ARSB: variants seen among roughly 807,000 people sequenced by gnomAD.
The protein encoded by ARSB is N-acetylgalactosamine-4-sulfatase.
In ARSB, 41 loss-of-function variants were observed where a neutral mutation model predicts 50.9. The ratio of observed to expected loss-of-function variants is 0.81; its 90% confidence interval spans 0.63 to 1.04. The LOEUF (loss-of-function observed/expected upper bound fraction) is 1.04, where lower values mean the gene tolerates loss of function less well. Among genes scored for constraint, ARSB ranks in the 50% least tolerant of loss-of-function variants. The probability of loss-of-function intolerance (pLI) is 0.00; values close to 1 mark genes in which losing one functional copy is unlikely to be tolerated. For missense variants in ARSB, 672 were observed against 693.3 expected (o/e 0.97, Z 0.35); for synonymous variants, 269 against 284.8 (o/e 0.94, Z 0.56).
chr5:78,785,924 G>C (rs1050121776), intron 6 of ARSB, among the ~76,000 whole-genome samples: 2 of 152,176 alleles, frequency 1.3e-5, no homozygotes, highest in African/African-American at 4.8e-5. Flanking sequence ...CAGAGAGGTG[G>C]CAACTTTTCC....
At chr5:78,920,992 A>G (rs1048463838) in intron 4 of ARSB, among the ~76,000 whole-genome samples, 2 of 152,274 alleles carry the variant, frequency 1.3e-5, no homozygotes, top group Admixed American at 6.5e-5. Flanking sequence ...TCTCTTTTGA[A>G]GATTTTAAGA....
chr5:78,961,639 T>C (rs2112504713), intron 3 of ARSB, among the ~76,000 whole-genome samples: 1 of 152,326 alleles, frequency 6.6e-6, no homozygotes, highest in Non-Finnish European at 1.5e-5. Flanking sequence ...TGCTTAATGT[T>C]ATGGAACCCT....
intron 5 of ARSB, among the ~76,000 whole-genome samples, chr5:78,871,477 A>G (rs1299001169): frequency 6.6e-6 from 1 of 150,932 alleles, no homozygotes; most frequent in Non-Finnish European, 1.5e-5. Flanking sequence ...GATATAGATC[A>G]ATGGAACAGA....
intron 5 of ARSB, among the ~76,000 whole-genome samples, chr5:78,842,120 C>T (rs1745248373): frequency 1.3e-5 from 2 of 152,092 alleles, no homozygotes; most frequent in South Asian, 2.1e-4. Flanking sequence ...CACACACACA[C>T]ATCAACTTAA....
chr5:78,827,639 A>C (rs953874014), intron 6 of ARSB, among the ~76,000 whole-genome samples: 1 of 152,228 alleles, frequency 6.6e-6, no homozygotes, highest in Admixed American at 6.5e-5. Flanking sequence ...ATATGACTGA[A>C]TCAGGCCCAC....
intron 4 of ARSB, among the ~76,000 whole-genome samples, chr5:78,901,047 G>GAA (rs71001135): frequency 0.56 from 64,252 of 114,774 alleles, 19,343 homozygotes; most frequent in East Asian, 0.97. Flanking sequence ...TCCGTCTCAG[G>GAA]AAAAAAAAAA....
In ARSB at chr5:78,778,540, CCTTG is replaced by C. The variant is rs1748834580; in HGVS notation, c.*1853_*1856del. The C allele has an allele frequency of 6.6e-6, 1 of 152,196 alleles. No homozygotes were observed. Among genetic ancestry groups the C allele is most frequent in the African/African-American group, 2.4e-5 (1 of 41,432 alleles). 9.4% of individuals were successfully genotyped at this position (152,196 alleles called of 1,614,324 possible). ...CCCCCCACTGGAGAGGACGCTACAA[CCTTG>C]CTATAGAGTGTCCTGTGACTGCCCA... On this transcript the variant is annotated 3_prime_UTR_variant, in exon 8 of 8. Coordinates refer to ENST00000264914, the MANE Select transcript of ARSB (RefSeq NM_000046.5).
At chr5:78,915,276 T>C (rs1237219040) in intron 4 of ARSB, among the ~76,000 whole-genome samples, 2 of 152,132 alleles carry the variant, frequency 1.3e-5, no homozygotes, top group Non-Finnish European at 2.9e-5. Context: ...ACACAATTTC[T>C]AGGCCCTTGG....
intron 6 of ARSB, among the ~76,000 whole-genome samples, chr5:78,838,327 C>T (rs1400909276): frequency 2.0e-5 from 3 of 152,104 alleles, no homozygotes; most frequent in Non-Finnish European, 4.4e-5. Flanking sequence ...AAAGCATATT[C>T]ATGACAGTAC....
chr5:78,969,313 G>A (rs1752346991), intron 1 of ARSB, 121 bp from the exon 2 acceptor site: 2 of 1,052,766 alleles, frequency 1.9e-6, no homozygotes, highest in African/African-American at 1.6e-5. Flanking sequence ...CTCTATTCCT[G>A]TACTGGCTTG....
At chr5:78,845,332 T>A (rs1358224207) in intron 5 of ARSB, among the ~76,000 whole-genome samples, 1 of 152,166 alleles carries the variant, frequency 6.6e-6, no homozygotes, top group Non-Finnish European at 1.5e-5. Flanking sequence ...AGTACTGCAA[T>A]AAATATGGGA....
intron 3 of ARSB, among the ~76,000 whole-genome samples, chr5:78,962,655 G>A (rs1020500574): frequency 6.6e-6 from 1 of 151,610 alleles, no homozygotes; most frequent in Non-Finnish European, 1.5e-5. Context: ...AACCTCCAGA[G>A]TAGCTGGACT....
chr5:78,930,707 C>A (rs1750284327), intron 4 of ARSB, among the ~76,000 whole-genome samples: 1 of 152,044 alleles, frequency 6.6e-6, no homozygotes, highest in Admixed American at 6.6e-5. Context: ...TTTCTGTATA[C>A]AACATTTTGT....
chr5:78,867,870 C>T (rs571732782), intron 5 of ARSB, among the ~76,000 whole-genome samples: 20 of 143,208 alleles, frequency 1.4e-4, no homozygotes, highest in African/African-American at 4.4e-4. Context: ...CTCTGAGCTA[C>T]GGGAGGACAT....
chr5:78,794,278 AG>A (rs964783137), intron 6 of ARSB, among the ~76,000 whole-genome samples: 2 of 152,150 alleles, frequency 1.3e-5, no homozygotes, highest in African/African-American at 4.8e-5. Context: ...AAAACCCACC[AG>A]GGTTCTTGGC....
chr5:78,959,180 T>C (rs1460944968), intron 3 of ARSB, among the ~76,000 whole-genome samples: 3 of 152,130 alleles, frequency 2.0e-5, no homozygotes, highest in Non-Finnish European at 4.4e-5. Flanking sequence ...ATAAGGCGCT[T>C]TTCCCCCTTT....
chr5:78,955,176 T>G, intron 4 of ARSB, 119 bp downstream of exon 4: 1 of 934,650 alleles, frequency 1.1e-6, no homozygotes, highest in South Asian at 1.4e-5. Context: ...TCTCCACTAT[T>G]GCAGTTTGCA....
chr5:78,853,480 C>G (rs549687171), intron 5 of ARSB, among the ~76,000 whole-genome samples: 8 of 152,322 alleles, frequency 5.3e-5, no homozygotes, highest in Middle Eastern at 3.4e-3. Context: ...GGGGGTGCCT[C>G]CCGGTTAGGT....
At chr5:78,966,680 T>C (rs1182396933) in intron 2 of ARSB, among the ~76,000 whole-genome samples, 1 of 152,230 alleles carries the variant, frequency 6.6e-6, no homozygotes, top group Non-Finnish European at 1.5e-5. Context: ...ATATCATTTC[T>C]ACCTTCTGTC....
Sources: allele counts gnomAD v4.1 joint callset (sites outside exome capture counted in the v4.1 genomes callset), GRCh38; gene constraint gnomAD v4.1.1; transcripts MANE v1.5; gene names NCBI Gene and HGNC (gene_info 2026-07-23, HGNC 2026-07-21).